The following TMEM108 variants were observed in gnomAD, a reference collection of about 807,000 sequenced individuals.
TMEM108 encodes cancer/testis antigen 124.
In TMEM108, 12 loss-of-function variants were observed where a neutral mutation model predicts 35.1. The ratio of observed to expected loss-of-function variants is 0.34; its 90% CI spans 0.22 to 0.55. The LOEUF is 0.55. TMEM108 is among the 20% of genes least tolerant of loss of function. The pLI, the probability that TMEM108 is intolerant of heterozygous loss-of-function variation, is 0.89. For missense variants in TMEM108, 680 were observed against 753.3 expected, an observed-to-expected ratio of 0.90 and a Z score of 1.14; for synonymous variants, 287 against 308.6, an observed-to-expected ratio of 0.93 and a Z score of 0.73.
chr3:133,188,771 A>G (rs985007606), intron 2 of TMEM108, among the ~76,000 whole-genome samples: 1 of 152,148 alleles, frequency 6.6e-6, no homozygotes, highest in Admixed American at 6.6e-5. Context: ...GACATAATAA[A>G]AATTTATTTA....
intron 3 of TMEM108, among the ~76,000 whole-genome samples, chr3:133,302,388 T>C (rs1947238247): frequency 6.6e-6 from 1 of 151,252 alleles, no homozygotes; most frequent in Non-Finnish European, 1.5e-5. Context: ...ATTTCAAATA[T>C]CTCTTGAATT....
chr3:133,278,354 C>G (rs1410191153), intron 3 of TMEM108, among the ~76,000 whole-genome samples: 1 of 152,176 alleles, frequency 6.6e-6, no homozygotes, highest in Non-Finnish European at 1.5e-5. Flanking sequence ...AAAATGGGGA[C>G]ACTGGTGTTC....
At chr3:133,099,997 A>G (rs1166403931) in intron 2 of TMEM108, among the ~76,000 whole-genome samples, 2 of 152,196 alleles carry the variant, frequency 1.3e-5, no homozygotes, top group African/African-American at 4.8e-5. Flanking sequence ...TTATGGTATT[A>G]GTTCATTTTA....
intron 2 of TMEM108, among the ~76,000 whole-genome samples, chr3:133,160,724 T>C (rs1269959432): frequency 2.6e-5 from 4 of 152,240 alleles, no homozygotes; most frequent in Non-Finnish European, 5.9e-5. Flanking sequence ...TGAGGACCTA[T>C]CTGCCTACTT....
intron 2 of TMEM108, among the ~76,000 whole-genome samples, chr3:133,181,966 G>A (rs751126947): frequency 1.4e-4 from 22 of 152,208 alleles, no homozygotes; most frequent in Admixed American, 4.6e-4. Flanking sequence ...TTTGCCCAGA[G>A]TATGGAGTCA....
intron 3 of TMEM108, among the ~76,000 whole-genome samples, chr3:133,259,351 A>G (rs771497324): frequency 6.6e-6 from 1 of 152,182 alleles, no homozygotes; most frequent in Non-Finnish European, 1.5e-5. Context: ...TTGAGGAACC[A>G]CTAGAGGAAG....
intron 2 of TMEM108, among the ~76,000 whole-genome samples, chr3:133,065,351 C>T (rs936436948): frequency 6.6e-6 from 1 of 152,118 alleles, no homozygotes; most frequent in African/African-American, 2.4e-5. Flanking sequence ...TGCAGAGAGA[C>T]ACCTGACTGT....
At chr3:133,299,112 AT>A (rs1947184373) in intron 3 of TMEM108, among the ~76,000 whole-genome samples, 1 of 152,192 alleles carries the variant, frequency 6.6e-6, no homozygotes, top group Admixed American at 6.5e-5. Context: ...AGGGGAAACT[AT>A]ATAAAGCTCA....
intron 3 of TMEM108, among the ~76,000 whole-genome samples, chr3:133,363,597 G>C (rs1395972330): frequency 2.0e-5 from 3 of 151,768 alleles, no homozygotes; most frequent in Non-Finnish European, 4.4e-5. Context: ...TTAGAGACAG[G>C]GTTTTGCTAT....
chr3:133,178,028 CAG>C (rs557057824), intron 2 of TMEM108, among the ~76,000 whole-genome samples: 1 of 152,114 alleles, frequency 6.6e-6, no homozygotes, highest in East Asian at 1.9e-4. Context: ...AACAGACAAA[CAG>C]AGAGCCAAAT....
chr3:133,078,183 G>GTT (rs1943767311), intron 2 of TMEM108, among the ~76,000 whole-genome samples: 3 of 110,946 alleles, frequency 2.7e-5, no homozygotes, highest in African/African-American at 1.0e-4. Flanking sequence ...GCACACGTGT[G>GTT]TGTGTATATC....
chr3:133,051,675 G>T (rs1190815723), intron 2 of TMEM108, among the ~76,000 whole-genome samples: 1 of 152,062 alleles, frequency 6.6e-6, no homozygotes, highest in Admixed American at 6.6e-5. Flanking sequence ...GATCCATTTT[G>T]AGTTAATTTT....
chr3:133,137,750 G>A (rs950929198), intron 2 of TMEM108, among the ~76,000 whole-genome samples: 2 of 152,130 alleles, frequency 1.3e-5, no homozygotes, highest in African/African-American at 2.4e-5. Context: ...TAAAGGCTAC[G>A]GATGGGCCAA....
rs529563884 is a variant in TMEM108, at chr3:133,330,273, C to G, written c.41-49479C>G. 9.2e-5 allele frequency among the ~76,000 whole-genome samples: 14 copies of G among 152,270 alleles called. 1 individual carries two copies. The highest frequency in any genetic ancestry group is 3.1e-4 in the African/African-American group (13 of 41,544). ...CTCCTCTGCCAGTTGCTATGGAGAG[C>G]AGCTGCAGGGGAGGGGATTCCTGGA... On this transcript the variant is annotated intron_variant, in intron 3 of 5. Transcript: ENST00000321871.
intron 2 of TMEM108, among the ~76,000 whole-genome samples, chr3:133,114,020 T>G (rs1480572942): frequency 6.6e-6 from 1 of 152,186 alleles, no homozygotes; most frequent in African/African-American, 2.4e-5. Context: ...TAGCCTGCAT[T>G]TGCAGGGAAG....
intron 3 of TMEM108, among the ~76,000 whole-genome samples, chr3:133,300,491 G>T (rs556393644): frequency 6.6e-6 from 1 of 152,166 alleles, no homozygotes. Context: ...ACGTGGAAAT[G>T]ACTGTCATGA....
intron 3 of TMEM108, among the ~76,000 whole-genome samples, chr3:133,279,061 G>C (rs1946876107): frequency 6.6e-6 from 1 of 152,162 alleles, no homozygotes; most frequent in African/African-American, 2.4e-5. Flanking sequence ...GCCCTTCAAG[G>C]CCTAGTGTTT....
intron 3 of TMEM108, among the ~76,000 whole-genome samples, chr3:133,296,701 A>G (rs1947150190): frequency 6.6e-6 from 1 of 152,106 alleles, no homozygotes; most frequent in African/African-American, 2.4e-5. Flanking sequence ...AGAGTAGGAC[A>G]GGGGGGACTT....
intron 2 of TMEM108, among the ~76,000 whole-genome samples, chr3:133,227,151 G>A (rs954350211): frequency 4.6e-4 from 69 of 150,358 alleles, no homozygotes; most frequent in Middle Eastern, 3.6e-3. Context: ...GAAAATATGC[G>A]CAAGTATTTA....
Sources: gnomAD v4.1 joint callset for allele counts (sites outside exome capture counted in the v4.1 genomes callset) on GRCh38, gnomAD v4.1.1 for gene constraint, MANE v1.5 for transcripts, NCBI Gene and HGNC (gene_info 2026-07-23, HGNC 2026-07-21) for gene names.